The following PTPRK variants were observed in gnomAD, a reference collection of about 807,000 sequenced individuals.
PTPRK encodes protein tyrosine phosphatase receptor type K, also known as receptor-type tyrosine-protein phosphatase kappa.
Under a neutral mutation model 178.0 loss-of-function variants are expected in PTPRK, and 75 were observed. That is an observed-to-expected ratio of 0.42 (90% CI 0.35 to 0.51). The LOEUF (loss-of-function observed/expected upper bound fraction) is 0.51. PTPRK is among the 20% of genes least tolerant of loss of function. The pLI, the probability that PTPRK is intolerant of heterozygous loss-of-function variation, is 0.02. For synonymous variants in PTPRK, 637 were observed against 620.6 expected (o/e 1.03, Z -0.39); for missense variants, 1,441 against 1,797.8 (o/e 0.80, Z 3.59).
intron 13 of PTPRK, among the ~76,000 whole-genome samples, chr6:128,031,856 A>G (rs1485970039): frequency 6.6e-6 from 1 of 152,136 alleles, no homozygotes; most frequent in Non-Finnish European, 1.5e-5. Flanking sequence ...TGTAAGAAAA[A>G]CACTGGAACG....
At chr6:128,272,951 A>T (rs1820098759) in intron 3 of PTPRK, among the ~76,000 whole-genome samples, 2 of 152,250 alleles carry the variant, frequency 1.3e-5, no homozygotes, top group Non-Finnish European at 2.9e-5. Context: ...AAAGACTTGG[A>T]ACCAACCCAA....
intron 5 of PTPRK, among the ~76,000 whole-genome samples, chr6:128,227,052 A>T (rs1179709586): frequency 6.6e-6 from 1 of 152,130 alleles, no homozygotes; most frequent in Admixed American, 6.5e-5. Context: ...CAGTAGAGGC[A>T]TGTAAAATAT....
chr6:128,352,212 C>A (rs1422839613), intron 2 of PTPRK, among the ~76,000 whole-genome samples: 1 of 133,030 alleles, frequency 7.5e-6, no homozygotes, highest in East Asian at 2.4e-4. Context: ...AGAGATCGCA[C>A]CACTGCCCTC....
At chr6:128,067,931 C>T (rs912914794) in intron 11 of PTPRK, 139 bp from the exon 12 acceptor site, 3 of 686,870 alleles carry the variant, frequency 4.4e-6, no homozygotes, top group South Asian at 5.3e-5. Context: ...ACCTGGTATA[C>T]TCTTTTCAGC....
intron 13 of PTPRK, among the ~76,000 whole-genome samples, chr6:128,025,024 G>A (rs1774079919): frequency 1.3e-5 from 2 of 152,130 alleles, no homozygotes; most frequent in Non-Finnish European, 2.9e-5. Flanking sequence ...AGTTTATTTT[G>A]CAGTACAACA....
At chr6:128,385,336 T>C (rs1393353599) in intron 2 of PTPRK, among the ~76,000 whole-genome samples, 1 of 152,060 alleles carries the variant, frequency 6.6e-6, no homozygotes, top group African/African-American at 2.4e-5. Flanking sequence ...TTAGGAACAA[T>C]AAAAATAATT....
chr6:128,022,456 T>C (rs918646467), intron 13 of PTPRK, among the ~76,000 whole-genome samples: 1 of 152,226 alleles, frequency 6.6e-6, no homozygotes, highest in Non-Finnish European at 1.5e-5. Context: ...ACCTTTAGTA[T>C]ATTTACTTTT....
At chr6:128,003,048 G>T in intron 15 of PTPRK, 1 of 674,778 alleles carries the variant, frequency 1.5e-6, no homozygotes, top group Non-Finnish European at 2.5e-6. Context: ...ATATTGGGTT[G>T]AACACAGTTG....
chr6:128,343,008 C>A (rs1478419910), intron 2 of PTPRK, among the ~76,000 whole-genome samples: 1 of 152,066 alleles, frequency 6.6e-6, no homozygotes, highest in African/African-American at 2.4e-5. Flanking sequence ...TGGGTAGAGA[C>A]TGCCTGAATT....
rs1797038788 is a variant in PTPRK at position 128,150,051 on chromosome 6, G to T, written c.1162+34381C>A. ...AAACAGACATAATGTTTGCTCATGA[G>T]CTGGAGGCACAATGTAGTCTTAAGA... On this transcript the variant is annotated intron_variant, in intron 7 of 29. Coordinates refer to ENST00000368226, the MANE Select transcript of PTPRK (RefSeq NM_002844.4). Among the ~76,000 whole-genome samples the T allele has an allele frequency of 3.9e-5, 6 of 152,260 alleles. No individual in the cohort carries two copies. The South Asian group carries it at 1.0e-3, about 26-fold the overall frequency.
At chr6:128,442,522 A>G (rs982850576) in intron 1 of PTPRK, among the ~76,000 whole-genome samples, 7 of 152,200 alleles carry the variant, frequency 4.6e-5, no homozygotes, top group African/African-American at 1.7e-4. Context: ...ATGGCCACCC[A>G]TAAGCCCTCC....
intron 24 of PTPRK, among the ~76,000 whole-genome samples, chr6:127,982,304 G>C (rs774770008): frequency 1.3e-5 from 2 of 150,990 alleles, no homozygotes; most frequent in East Asian, 2.0e-4. Flanking sequence ...ACGGAGTCTC[G>C]CTCTGTTGCC....
intron 7 of PTPRK, among the ~76,000 whole-genome samples, chr6:128,154,193 A>G (rs1797667053): frequency 6.6e-6 from 1 of 151,610 alleles, no homozygotes; most frequent in Non-Finnish European, 1.5e-5. Flanking sequence ...TCTGTTAATA[A>G]ATAATTGATA....
chr6:128,456,850 C>T (rs939532035), intron 1 of PTPRK, among the ~76,000 whole-genome samples: 1 of 152,026 alleles, frequency 6.6e-6, no homozygotes, highest in South Asian at 2.1e-4. Context: ...CATTTATTCA[C>T]TTCATGTGTG....
rs548017787 is a variant in PTPRK at position 128,433,383 on chromosome 6, T to C, written c.101-35695A>G. 6.6e-5 allele frequency among the ~76,000 whole-genome samples: 10 copies of C among 152,330 alleles called. No individual in the cohort carries two copies. In the East Asian group the frequency reaches 1.7e-3, roughly 26 times the overall value. On this transcript the variant is annotated intron_variant, in intron 1 of 29. Coordinates refer to ENST00000368226, the MANE Select transcript of PTPRK (RefSeq NM_002844.4). ...GTGAATGAGAACATGTGATATTGTC[T>C]TTCTGTGCCTGGCATATTTCACTTA... is the stretch of plus-strand genomic sequence containing the variant.
chr6:127,979,309 A>G (rs537195306), intron 25 of PTPRK, among the ~76,000 whole-genome samples: 2 of 152,326 alleles, frequency 1.3e-5, no homozygotes, highest in East Asian at 3.9e-4. Flanking sequence ...AAAAGGAGAC[A>G]ATCTGGACAT....
At chr6:128,383,493 C>G (rs1400981020) in intron 2 of PTPRK, among the ~76,000 whole-genome samples, 1 of 152,100 alleles carries the variant, frequency 6.6e-6, no homozygotes, top group Non-Finnish European at 1.5e-5. Flanking sequence ...CAGTTAAATT[C>G]AAATCATTTT....
chr6:128,299,875 A>G (rs1584003161), intron 3 of PTPRK, among the ~76,000 whole-genome samples: 1 of 152,298 alleles, frequency 6.6e-6, no homozygotes, highest in East Asian at 1.9e-4. Flanking sequence ...GACAAATGGG[A>G]TCTAATTAAA....
At position 128,082,537 on chromosome 6, in the gene PTPRK, C is replaced by A; in HGVS notation, c.1677G>T (p.Met559Ile). 1.2e-6 allele frequency: 2 copies of A among 1,612,662 alleles called. No homozygotes were observed. Residue 559 changes from methionine to isoleucine, a missense_variant, in exon 10 of 30, where the codon ATG becomes ATT. Met to Ile is a conservative substitution (Grantham distance 10). This residue lies in a region of PTPRK where 945 missense variants were observed against 1,080.6 expected (regional missense o/e 0.87). Transcript: ENST00000368226. ...GGTACGTGGTTCCAGGGTGGAGATG[C>A]ATAAAGACATGGTGTGTACTGTTCC... ...NLWNSTHHVF[M>I]HLHPGTTYQF...
Sources: gnomAD v4.1 joint callset for allele counts (sites outside exome capture counted in the v4.1 genomes callset) on GRCh38, gnomAD v4.1.1 for gene constraint, gnomAD v4.1.1 regional missense constraint, MANE v1.5 for transcripts, NCBI Gene and HGNC (gene_info 2026-07-23, HGNC 2026-07-21) for gene names.